Variants in ARPC2 observed in about 807,000 individuals in gnomAD.
ARPC2 encodes actin-related protein 2/3 complex subunit 2.
ARPC2 carries 4 observed loss-of-function variants against 38.6 expected under a neutral mutation model. The ratio of observed to expected loss-of-function variants is 0.10; its 90% CI spans 0.05 to 0.24. The LOEUF (loss-of-function observed/expected upper bound fraction) is 0.24. Among genes scored for constraint, ARPC2 ranks in the 10% least tolerant of loss-of-function variants. The pLI, the probability that ARPC2 is intolerant of heterozygous loss-of-function variation, is 1.00. For synonymous variants in ARPC2, 125 were observed against 140.8 expected, an observed-to-expected ratio of 0.89 and a Z score of 0.79; for missense variants, 229 against 387.3, an observed-to-expected ratio of 0.59 and a Z score of 3.43.
chr2:218,228,075 A>G (rs995855213), intron 3 of ARPC2, among the ~76,000 whole-genome samples: 1 of 152,138 alleles, frequency 6.6e-6, no homozygotes, highest in Non-Finnish European at 1.5e-5. Flanking sequence ...AATGGGAAGG[A>G]GGATGTCTAA....
chr2:218,241,418 T>C (rs1215946880), intron 7 of ARPC2, among the ~76,000 whole-genome samples: 4 of 152,202 alleles, frequency 2.6e-5, no homozygotes, highest in African/African-American at 9.7e-5. Flanking sequence ...TACATGTATC[T>C]CTTGGGTCCT....
chr2:218,230,326 C>G (rs1452485160), intron 4 of ARPC2, among the ~76,000 whole-genome samples: 1 of 62,338 alleles, frequency 1.6e-5, no homozygotes, highest in Non-Finnish European at 3.0e-5. Context: ...AGGTCTTGTT[C>G]TGTCACCTAG....
intron 8 of ARPC2, among the ~76,000 whole-genome samples, chr2:218,246,781 G>T (rs571238875): frequency 1.9e-4 from 29 of 152,134 alleles, no homozygotes; most frequent in Non-Finnish European, 3.4e-4. Flanking sequence ...GACCAACCTG[G>T]CCAACATGGT....
intron 8 of ARPC2, among the ~76,000 whole-genome samples, chr2:218,247,710 G>A (rs1057123066): frequency 6.6e-6 from 1 of 152,076 alleles, no homozygotes; most frequent in Non-Finnish European, 1.5e-5. Flanking sequence ...TTGGGAGGCC[G>A]AGGCAAGTGG....
intron 4 of ARPC2, among the ~76,000 whole-genome samples, chr2:218,232,668 C>G (rs901938110): frequency 3.3e-5 from 5 of 150,420 alleles, no homozygotes; most frequent in Non-Finnish European, 5.9e-5. Context: ...CTCCCGGGTT[C>G]ACGCCATTCT....
rs1803065 is a variant in ARPC2 at position 218,238,714 on chromosome 2, G to T, written c.319G>T (p.Asp107Tyr). Residue 107 changes from aspartate (D) to tyrosine (Y), a missense_variant, in exon 6 of 11, where the codon GAT (aspartate) becomes TAT (tyrosine). Around this residue, in one of 3 missense-constraint regions of ARPC2, gnomAD observed 135 missense variants for 214.1 expected, o/e 0.63. Coordinates refer to ENST00000315717, the MANE Select transcript of ARPC2 (RefSeq NM_152862.3). ...YDLENLPASK[D>Y]SIVHQAGMLK... ...CCTTGAAAATCTTCCGGCATCCAAG[G>T]ATTCCATTGTGCATCAAGCTGGCAT... 1 of 1,613,202 alleles carries T rather than the reference G, an allele frequency of 6.2e-7. No individual in the cohort carries two copies. Among genetic ancestry groups the T allele is most frequent in the Non-Finnish European group, 8.5e-7 (1 of 1,179,860 alleles).
intron 2 of ARPC2, among the ~76,000 whole-genome samples, chr2:218,223,536 C>T (rs552117293): frequency 1.3e-5 from 2 of 152,222 alleles, no homozygotes; most frequent in East Asian, 3.9e-4. Flanking sequence ...TTTATTTATC[C>T]ACTGGGTGTC....
Position 218,217,565 on chromosome 2 carries a change from G to T in ARPC2, c.74+21G>T, listed in dbSNP as rs765426514. The T allele has an allele frequency of 3.1e-6, 5 of 1,597,930 alleles. No homozygotes were observed. The East Asian group carries it at 9.1e-5, about 29-fold the overall frequency. On this transcript the variant is annotated intron_variant, in intron 2 of 10. Coordinates refer to ENST00000315717, the MANE Select transcript of ARPC2 (RefSeq NM_152862.3). Reference sequence around the variant, plus strand: ...GCCGGGTGAGCGCGCGCCCGGGGCCGGGGGTGGCGGGGGAAGCAGAGTTGA... The same window carrying T: ...GCCGGGTGAGCGCGCGCCCGGGGCCTGGGGTGGCGGGGGAAGCAGAGTTGA...
chr2:218,219,359 C>T (rs1514132), intron 2 of ARPC2, among the ~76,000 whole-genome samples: 59,656 of 147,706 alleles, frequency 0.4, 12,339 homozygotes, highest in Middle Eastern at 0.53. Context: ...ACTTCCAGGA[C>T]TTTTTTTTTT....
At chr2:218,253,438 C>T (rs999335134) in intron 10 of ARPC2, among the ~76,000 whole-genome samples, 2 of 152,218 alleles carry the variant, frequency 1.3e-5, no homozygotes, top group African/African-American at 4.8e-5. Flanking sequence ...CTGAGGATTG[C>T]TCTGAACCAG....
At chr2:218,252,962 T>G in intron 10 of ARPC2, 2 of 456,844 alleles carry the variant, frequency 4.4e-6, no homozygotes, top group Non-Finnish European at 8.8e-6. Flanking sequence ...TTGGCAGAGT[T>G]GGGCCCCAGA....
rs372657675 is a variant in ARPC2 at position 218,253,088 on chromosome 2, C to T, written c.879-803C>T. 382 of 430,476 alleles carry T rather than the reference C, an allele frequency of 8.9e-4. 6 individuals are homozygous for T. Among genetic ancestry groups the T allele is most frequent in the South Asian group, 6.0e-3 (363 of 60,540 alleles). The allele number at this position is 430,476 out of a possible 1,614,324, so 26.7% of individuals were successfully genotyped here. ...GCAGAAGCCAGGAACCCTCGATGGG[C>T]CGCCCAGAATTGAACACTCAGGAGC... On this transcript the variant is annotated intron_variant, in intron 10 of 10. Coordinates refer to ENST00000315717, the MANE Select transcript of ARPC2 (RefSeq NM_152862.3).
intron 3 of ARPC2, among the ~76,000 whole-genome samples, chr2:218,228,482 AT>A (rs1689559755): frequency 6.6e-6 from 1 of 152,178 alleles, no homozygotes; most frequent in South Asian, 2.1e-4. Flanking sequence ...TACATGTAAA[AT>A]CCAATTATTT....
intron 7 of ARPC2, among the ~76,000 whole-genome samples, chr2:218,241,500 T>A (rs999731795): frequency 1.3e-5 from 2 of 152,222 alleles, no homozygotes; most frequent in South Asian, 2.1e-4. Context: ...ATGCAGTAGC[T>A]CAGAAATTGG....
intron 2 of ARPC2, among the ~76,000 whole-genome samples, chr2:218,219,325 C>G (rs979406879): frequency 3.3e-5 from 5 of 151,246 alleles, no homozygotes; most frequent in Admixed American, 2.0e-4. Context: ...AATAGGCCCT[C>G]AAGTCTGGAA....
chr2:218,251,558 A>G (rs929225942), intron 10 of ARPC2, among the ~76,000 whole-genome samples: 36 of 151,862 alleles, frequency 2.4e-4, no homozygotes, highest in African/African-American at 6.5e-4. Context: ...GGCTCAAGCA[A>G]TCCTCCCATC....
At chr2:218,220,862 T>A (rs1387995134) in intron 2 of ARPC2, among the ~76,000 whole-genome samples, 1 of 152,214 alleles carries the variant, frequency 6.6e-6, no homozygotes, top group African/African-American at 2.4e-5. Context: ...TCATAGATTG[T>A]CACAAAATAA....
At chr2:218,228,388 G>GT (rs1448014714) in intron 3 of ARPC2, among the ~76,000 whole-genome samples, 2 of 151,720 alleles carry the variant, frequency 1.3e-5, no homozygotes, top group African/African-American at 4.8e-5. Flanking sequence ...GGGTGACAGA[G>GT]TAAGACTCTA....
intron 2 of ARPC2, among the ~76,000 whole-genome samples, chr2:218,222,521 C>T (rs914428292): frequency 2.0e-5 from 3 of 152,132 alleles, no homozygotes; most frequent in Non-Finnish European, 2.9e-5. Flanking sequence ...CAGGCAGTAA[C>T]TCTGAGGACT....
Sources: allele counts gnomAD v4.1 joint callset (sites outside exome capture counted in the v4.1 genomes callset), GRCh38; gene constraint gnomAD v4.1.1; regional missense constraint gnomAD v4.1.1; transcripts MANE v1.5; gene names NCBI Gene and HGNC (gene_info 2026-07-23, HGNC 2026-07-21).